The following CACUL1 variants were observed in gnomAD, a reference collection of about 807,000 sequenced individuals.
CACUL1 encodes CDK2-associated and cullin domain-containing protein 1.
In CACUL1, 13 loss-of-function variants were observed where a neutral mutation model predicts 45.2. That is an observed-to-expected ratio of 0.29 (90% CI 0.19 to 0.46). The LOEUF (loss-of-function observed/expected upper bound fraction) is 0.46, where lower values mean the gene tolerates loss of function less well. Ranked by LOEUF, CACUL1 falls within the 20% of genes least tolerant of loss-of-function variation. The pLI is 1.00. For missense variants in CACUL1, 421 were observed against 471.4 expected, an observed-to-expected ratio of 0.89 and a Z score of 0.99; for synonymous variants, 197 against 174.2, an observed-to-expected ratio of 1.13 and a Z score of -1.03.
chr10:118,710,612 C>G (rs1051545216), intron 3 of CACUL1, among the ~76,000 whole-genome samples: 1 of 152,178 alleles, frequency 6.6e-6, no homozygotes, highest in Admixed American at 6.5e-5. Flanking sequence ...TCAAAAATAT[C>G]TGAACTACAT....
chr10:118,729,167 A>AC, intron 3 of CACUL1, 128 bp downstream of exon 3: 1 of 642,410 alleles, frequency 1.6e-6, no homozygotes. Context: ...ATCAACATTC[A>AC]CCTAGAAAAC....
At chr10:118,731,122 A>G (rs1210787703) in intron 1 of CACUL1, among the ~76,000 whole-genome samples, 1 of 152,174 alleles carries the variant, frequency 6.6e-6, no homozygotes, top group Non-Finnish European at 1.5e-5. Context: ...GTGGATCCTA[A>G]CAGCTTTGAA....
chr10:118,753,235 C>T (rs538080039), intron 1 of CACUL1, among the ~76,000 whole-genome samples: 73 of 152,342 alleles, frequency 4.8e-4, no homozygotes, highest in Non-Finnish European at 9.4e-4. Context: ...CGTATATAAT[C>T]TTACCAAACG....
intron 3 of CACUL1, among the ~76,000 whole-genome samples, chr10:118,713,617 G>T (rs891345370): frequency 1.3e-5 from 2 of 152,174 alleles, no homozygotes; most frequent in African/African-American, 4.8e-5. Context: ...TATTCATCTG[G>T]TTTAAAATTC....
chr10:118,743,646 T>G (rs1286074697), intron 1 of CACUL1, among the ~76,000 whole-genome samples: 3 of 152,010 alleles, frequency 2.0e-5, no homozygotes, highest in South Asian at 4.1e-4. Flanking sequence ...GGAGAATCAC[T>G]TGAACCCGGG....
chr10:118,718,775 G>A (rs998933270), intron 3 of CACUL1, among the ~76,000 whole-genome samples: 5 of 151,714 alleles, frequency 3.3e-5, no homozygotes, highest in Admixed American at 6.6e-5. Flanking sequence ...GGTTTTCACC[G>A]TGTTAGCCAG....
rs772561625 is a variant in CACUL1 at position 118,730,457 on chromosome 10, GCAAACA to G, written c.368-53_368-48del. Reference sequence around the variant, plus strand: ...AATATTACTACGTGCCACATGTGGAGCAAACACAAATCACAGCCATTTTGCACTCTC... The same window carrying G: ...AATATTACTACGTGCCACATGTGGAGCAAATCACAGCCATTTTGCACTCTC... On this transcript the variant is annotated intron_variant, in intron 1 of 8. Transcript: ENST00000369151. The G allele has an allele frequency of 5.2e-6, 8 of 1,537,562 alleles. No homozygotes were observed. In the Admixed American group the frequency reaches 1.5e-4, roughly 29 times the overall value.
rs1225542152 is a variant in CACUL1, at chr10:118,754,563, C to T, written c.200G>A (p.Arg67Lys). ...CGGGAGCCCCTCCTTGGGGCCTTTC[C>T]TGTCCACGGAGACCGCGGGCACCGC... ...LLAVPAVSVD[R>K]KGPKEGLPMG... is the part of the protein sequence containing the mutation. The change falls in exon 1 of 9, where the codon AGG becomes AAG. Residue 67 changes from arginine to lysine, a missense_variant. Coordinates refer to ENST00000369151, the MANE Select transcript of CACUL1 (RefSeq NM_153810.5). 3 of 1,611,708 alleles carry T rather than the reference C, an allele frequency of 1.9e-6. No individual in the cohort carries two copies. The South Asian group carries it at 3.3e-5, about 18-fold the overall frequency.
In CACUL1 at chr10:118,715,954, C is replaced by T. The variant is rs1034134108; in HGVS notation, c.598-8367G>A. Among the ~76,000 whole-genome samples, 13 of 152,026 alleles carry T rather than the reference C, an allele frequency of 8.6e-5. No individual in the cohort carries two copies. The East Asian group carries it at 1.4e-3, about 16-fold the overall frequency. ...GCAACTATGGAAAAATAACCACTAC[C>T]GGCTGGGCGCGGTGGCTCACACCTG... On this transcript the variant is annotated intron_variant, in intron 3 of 8. Coordinates refer to ENST00000369151, the MANE Select transcript of CACUL1 (RefSeq NM_153810.5).
intron 1 of CACUL1, among the ~76,000 whole-genome samples, chr10:118,746,517 T>C (rs1845844819): frequency 6.6e-6 from 1 of 152,094 alleles, no homozygotes. Context: ...TAAGAAAAAT[T>C]ACAGATAAAA....
intron 3 of CACUL1, among the ~76,000 whole-genome samples, chr10:118,721,186 TA>T (rs1845596976): frequency 6.6e-6 from 1 of 152,224 alleles, no homozygotes; most frequent in Non-Finnish European, 1.5e-5. Flanking sequence ...GTACACAAGA[TA>T]ACCAGTTGAG....
intron 3 of CACUL1, among the ~76,000 whole-genome samples, chr10:118,716,106 C>T (rs1392081854): frequency 6.6e-6 from 1 of 151,874 alleles, no homozygotes; most frequent in Non-Finnish European, 1.5e-5. Context: ...GTGGCACGCG[C>T]CTGTAGTCCC....
At position 118,676,975 on chromosome 10, in the gene CACUL1, A is replaced by G. The variant is rs1845104580; in HGVS notation, c.*9153T>C. 1 of 152,128 alleles carries G rather than the reference A, an allele frequency of 6.6e-6. No homozygotes were observed. The highest frequency in any genetic ancestry group is 1.5e-5 in the Non-Finnish European group (1 of 68,016). 9.4% of individuals were successfully genotyped at this position (152,128 alleles called of 1,614,324 possible). On this transcript the variant is annotated 3_prime_UTR_variant, in exon 9 of 9. Coordinates refer to ENST00000369151, the MANE Select transcript of CACUL1 (RefSeq NM_153810.5). ...AGAAAAAACTTCTCCAATCCCAAGA[A>G]AAAATACTACTTTCTAGTTTTTACA...
intron 3 of CACUL1, among the ~76,000 whole-genome samples, chr10:118,712,366 G>GCT (rs1845494966): frequency 6.6e-6 from 1 of 152,260 alleles, no homozygotes; most frequent in Non-Finnish European, 1.5e-5. Flanking sequence ...GGGAGTCACA[G>GCT]CCCTGGCTCA....
chr10:118,727,403 TAAAA>T (rs11454535), intron 3 of CACUL1, among the ~76,000 whole-genome samples: 2 of 144,552 alleles, frequency 1.4e-5, no homozygotes, highest in African/African-American at 5.1e-5. Flanking sequence ...TCAAAAAAAT[TAAAA>T]AAAAAAAAAA....
intron 1 of CACUL1, among the ~76,000 whole-genome samples, chr10:118,733,981 A>AC (rs1845720368): frequency 6.6e-6 from 1 of 152,164 alleles, no homozygotes; most frequent in Non-Finnish European, 1.5e-5. Flanking sequence ...ATAACCCTGT[A>AC]CTCCAGTCTG....
intron 1 of CACUL1, 88 bp from the exon 2 acceptor site, chr10:118,730,498 T>C (rs1251663619): frequency 4.8e-6 from 6 of 1,254,456 alleles, no homozygotes; most frequent in Non-Finnish European, 6.7e-6. Flanking sequence ...CAAATTCCTC[T>C]CACTTACTCT....
intron 4 of CACUL1, among the ~76,000 whole-genome samples, chr10:118,705,610 ATGTC>A (rs1281762331): frequency 6.6e-6 from 1 of 152,196 alleles, no homozygotes; most frequent in Admixed American, 6.5e-5. Flanking sequence ...GCAAAAATAA[ATGTC>A]TTTATTTGAC....
At position 118,708,009 on chromosome 10, in the gene CACUL1, G is replaced by C. The variant is rs184802123; in HGVS notation, c.598-422C>G. 4.4e-3 allele frequency among the ~76,000 whole-genome samples: 671 copies of C among 151,934 alleles called. 3 individuals carry two copies. The highest frequency in any genetic ancestry group is 7.1e-3 in the Non-Finnish European group (479 of 67,924). ...CTAAAAATACAAAAATTAGCCAGGT[G>C]GGGGTGGCAGGTGCCTGTAATCCTA... On this transcript the variant is annotated intron_variant, in intron 3 of 8. Transcript: ENST00000369151.
Sources: gnomAD v4.1 joint callset for allele counts (sites outside exome capture counted in the v4.1 genomes callset) on GRCh38, gnomAD v4.1.1 for gene constraint, MANE v1.5 for transcripts, NCBI Gene and HGNC (gene_info 2026-07-23, HGNC 2026-07-21) for gene names.